Variants in MYH10 observed in about 807,000 individuals in gnomAD.
MYH10 encodes the protein myosin-10.
A neutral mutation model predicts 257.8 loss-of-function variants in MYH10; 55 were observed. That is an observed-to-expected ratio of 0.21 (90% CI 0.17 to 0.27). The LOEUF (loss-of-function observed/expected upper bound fraction) is 0.27. Ranked by LOEUF, MYH10 falls within the 10% of genes least tolerant of loss-of-function variation. The pLI, the probability that MYH10 is intolerant of heterozygous loss-of-function variation, is 1.00. For synonymous variants in MYH10, 854 were observed against 921.7 expected, an observed-to-expected ratio of 0.93 and a Z score of 1.33; for missense variants, 1,631 against 2,500.6, an observed-to-expected ratio of 0.65 and a Z score of 7.42.
Position 8,504,213 on chromosome 17 carries a change from G to A in MYH10, c.3599+481C>T, listed in dbSNP as rs917325847. ...CCCACTGCACACTCTGTCCCAGTGC[G>A]TGCACCAGCCTTCTTCTCACCCTTG... On this transcript the variant is annotated intron_variant, in intron 28 of 42. Transcript: ENST00000360416. This position sits in a 1 kb window ranked among gnomAD's most constrained non-coding sequence, Gnocchi z 5.6. 5.3e-5 allele frequency among the ~76,000 whole-genome samples: 8 copies of A among 152,210 alleles called. No individual in the cohort carries two copies. Among genetic ancestry groups the A allele is most frequent in the African/African-American group, 1.4e-4 (6 of 41,520 alleles).
At chr17:8,527,174 A>G (rs2081873029) in intron 17 of MYH10, among the ~76,000 whole-genome samples, 1 of 152,228 alleles carries the variant, frequency 6.6e-6, no homozygotes. Flanking sequence ...TGGTACTGTA[A>G]TAACAAGTTT....
intron 17 of MYH10, among the ~76,000 whole-genome samples, chr17:8,526,231 C>A (rs2081841965): frequency 1.3e-5 from 2 of 152,168 alleles, no homozygotes; most frequent in East Asian, 3.9e-4. Context: ...TAATCAAGAC[C>A]CGAAAAAACT....
chr17:8,563,158 A>G (rs1490654246), intron 7 of MYH10, among the ~76,000 whole-genome samples: 5 of 152,224 alleles, frequency 3.3e-5, no homozygotes, highest in Non-Finnish European at 7.3e-5. Context: ...CCTAAATGAG[A>G]AAATCCATTC....
rs377013354 is a variant in MYH10, at chr17:8,557,886, G to A, written c.757-3868C>T. Among the ~76,000 whole-genome samples the A allele has an allele frequency of 1.8e-4, 28 of 152,278 alleles. No individual in the cohort carries two copies. The East Asian group carries it at 3.3e-3, about 18-fold the overall frequency. On this transcript the variant is annotated intron_variant, in intron 7 of 42. Coordinates refer to ENST00000360416, the MANE Select transcript of MYH10 (RefSeq NM_001256012.3). ...AATTTAGGATTTCTTTAGAAGTTAG[G>A]ATGGTGTTAGTCACCAAACCTGCAA... is the stretch of plus-strand genomic sequence containing the variant.
intron 21 of MYH10, among the ~76,000 whole-genome samples, chr17:8,518,073 AGCT>A: frequency 7.8e-6 from 1 of 128,972 alleles, no homozygotes; most frequent in African/African-American, 3.0e-5. Context: ...TGAGGACTTG[AGCT>A]GAGGCAGGAC....
chr17:8,492,879 G>A lies in MYH10; in HGVS notation c.4355C>T (p.Thr1452Ile). 6.2e-7 allele frequency: 1 copy of A among 1,613,996 alleles called. No individual in the cohort carries two copies. ...CAGCTCCTGCTGCAGGCGGTTCTTG[G>A]TCTTCTCCAGTTTGTCATACGCCAG... ...KALAYDKLEK[T>I]KNRLQQELDD... The change falls in exon 33 of 43, where the codon ACC (threonine) becomes ATC (isoleucine). Residue 1452 changes from threonine (T) to isoleucine (I), a missense_variant. Thr to Ile is a moderately conservative substitution (Grantham distance 89, BLOSUM62 -1). Coordinates refer to ENST00000360416, the MANE Select transcript of MYH10 (RefSeq NM_001256012.3).
intron 21 of MYH10, among the ~76,000 whole-genome samples, chr17:8,514,778 C>G (rs886619952): frequency 2.0e-5 from 3 of 152,172 alleles, no homozygotes; most frequent in Admixed American, 1.3e-4. Flanking sequence ...TTCCAGCAGT[C>G]GGCTTTCTAT....
intron 2 of MYH10, among the ~76,000 whole-genome samples, chr17:8,617,122 A>T (rs2085291195): frequency 6.6e-6 from 1 of 152,130 alleles, no homozygotes; most frequent in Non-Finnish European, 1.5e-5. Context: ...TCTAGATGGA[A>T]TTGAGGCTGA....
chr17:8,493,783 C>G lies in MYH10; in HGVS notation c.4159G>C (p.Glu1387Gln). 1 of 1,614,060 alleles carries G rather than the reference C, an allele frequency of 6.2e-7. No homozygotes were observed. Among genetic ancestry groups the G allele is most frequent in the Non-Finnish European group, 8.5e-7 (1 of 1,179,976 alleles). Residue 1387 changes from glutamate (E) to glutamine (Q), a missense_variant, in exon 32 of 43, where the codon GAG becomes CAG. Physicochemically the swap from Glu to Gln is conservative, Grantham distance 29. Coordinates refer to ENST00000360416, the MANE Select transcript of MYH10 (RefSeq NM_001256012.3). ...TTCTCCAGGTTCTTCCTGGCCTCCT[C>G]CTCCTCCTCCTGCTGCTCCTGAAGA... ...NSLQEQQEEEEEARKNLEKQV... is the reference protein window; with the variant it reads ...NSLQEQQEEEQEARKNLEKQV...
intron 17 of MYH10, among the ~76,000 whole-genome samples, chr17:8,527,580 C>T (rs558162516): frequency 6.6e-6 from 1 of 152,288 alleles, no homozygotes; most frequent in East Asian, 1.9e-4. Context: ...TTAAGGAAAG[C>T]CAAGGAAATA....
rs1567823729 is a variant in MYH10, at chr17:8,511,063, C to CAT, written c.2953-1115_2953-1114insAT. Reference sequence around the variant, plus strand: ...ATATATATATATATATATATATACACACATACATACATACACACACACACA... The same window carrying CAT: ...ATATATATATATATATATATATACACATACATACATACATACACACACACACA... On this transcript the variant is annotated intron_variant, in intron 24 of 42. Transcript: ENST00000360416. The CAT allele has an allele frequency of 2.0e-4, 14 of 71,138 alleles. 3 individuals carry two copies. Among genetic ancestry groups the CAT allele is most frequent in the African/African-American group, 5.8e-4 (13 of 22,600 alleles). 4.4% of individuals were successfully genotyped at this position (71,138 alleles called of 1,614,324 possible). A position where few individuals can be genotyped will look rare whatever the true frequency, so the allele number is the denominator to read the frequency against.
At chr17:8,524,094 A>T (rs539381987) in intron 17 of MYH10, among the ~76,000 whole-genome samples, 1 of 152,174 alleles carries the variant, frequency 6.6e-6, no homozygotes, top group Admixed American at 6.5e-5. Flanking sequence ...GACCAGAAAG[A>T]GATGGAGGGC....
At chr17:8,585,588 G>A (rs2083889587) in intron 4 of MYH10, among the ~76,000 whole-genome samples, 1 of 151,692 alleles carries the variant, frequency 6.6e-6, no homozygotes, top group African/African-American at 2.4e-5. Context: ...ATATTTTTCA[G>A]GGCACAATGT....
chr17:8,585,563 T>C (rs892236024), intron 4 of MYH10, among the ~76,000 whole-genome samples: 2 of 152,020 alleles, frequency 1.3e-5, no homozygotes, highest in African/African-American at 2.4e-5. Context: ...CTAAGATACA[T>C]TGTTTAACTT....
intron 40 of MYH10, among the ~76,000 whole-genome samples, chr17:8,478,796 T>C (rs1260677989): frequency 6.6e-6 from 1 of 152,226 alleles, no homozygotes; most frequent in Non-Finnish European, 1.5e-5. Context: ...AGTGGCGCCA[T>C]CTCTGCTCGC....
chr17:8,587,657 T>C (rs1184168798), intron 4 of MYH10, among the ~76,000 whole-genome samples: 3 of 151,908 alleles, frequency 2.0e-5, no homozygotes, highest in African/African-American at 7.3e-5. Context: ...CCCTCCTTGC[T>C]CTCTCAATTC....
At position 8,474,443 on chromosome 17, in the gene MYH10, C is replaced by T. The variant is rs561532386; in HGVS notation, c.*1361G>A. 37 of 152,678 alleles carry T rather than the reference C, an allele frequency of 2.4e-4. No homozygotes were observed. The highest frequency in any genetic ancestry group is 7.7e-4 in the African/African-American group (32 of 41,562). The allele number at this position is 152,678 out of a possible 1,614,324, so 9.5% of individuals were successfully genotyped here. ...AATCCAAGATTCCAAACCCACAGGA[C>T]AAATTCTTCCTAATAGATGTTAAAG... On this transcript the variant is annotated 3_prime_UTR_variant, in exon 43 of 43. Transcript: ENST00000360416.
intron 40 of MYH10, among the ~76,000 whole-genome samples, chr17:8,479,157 T>TCTTAAA (rs1263102643): frequency 6.6e-6 from 1 of 152,194 alleles, no homozygotes; most frequent in Non-Finnish European, 1.5e-5. Flanking sequence ...AACAACCCAA[T>TCTTAAA]TTATTAAGTG....
Position 8,535,297 on chromosome 17 carries a change from G to A in MYH10, c.1894+90C>T, listed in dbSNP as rs939818684. The A allele has an allele frequency of 6.2e-5, 55 of 884,474 alleles. 1 individual carries two copies. Among genetic ancestry groups the A allele is most frequent in the Middle Eastern group, 2.3e-4 (1 of 4,328 alleles). 54.8% of individuals were successfully genotyped at this position (884,474 alleles called of 1,614,324 possible). A position where few individuals can be genotyped will look rare whatever the true frequency, so the allele number is the denominator to read the frequency against. ...AAGATTTTAAAGTAAGAAGTTATAT[G>A]TATCCATATATATGTAAAAGAACCA... On this transcript the variant is annotated intron_variant, in intron 16 of 42. Coordinates refer to ENST00000360416, the MANE Select transcript of MYH10 (RefSeq NM_001256012.3). The surrounding 1 kb of genome is among the most constrained non-coding windows in gnomAD (Gnocchi z 4.3).
Sources: allele counts gnomAD v4.1 joint callset (sites outside exome capture counted in the v4.1 genomes callset), GRCh38; gene constraint gnomAD v4.1.1; non-coding constraint Gnocchi (gnomAD v3.1); transcripts MANE v1.5; gene names NCBI Gene and HGNC (gene_info 2026-07-23, HGNC 2026-07-21).